Variants in AKAP9 observed in about 807,000 individuals in gnomAD.
The protein encoded by AKAP9 is A-kinase anchoring protein 9, also known as A-kinase anchor protein 9.
AKAP9 carries 311 observed loss-of-function variants against 488.5 expected under a neutral mutation model. The ratio of observed to expected loss-of-function variants is 0.64; its 90% CI spans 0.58 to 0.70. The LOEUF is 0.70. Ranked by LOEUF, AKAP9 falls within the 30% of genes least tolerant of loss-of-function variation. The pLI, the probability that AKAP9 is intolerant of heterozygous loss-of-function variation, is 0.00. For synonymous variants in AKAP9, 1,462 were observed against 1,483.5 expected, an observed-to-expected ratio of 0.99 and a Z score of 0.33; for missense variants, 4,215 against 4,374.5, an observed-to-expected ratio of 0.96 and a Z score of 1.03.
intron 8 of AKAP9, among the ~76,000 whole-genome samples, chr7:92,011,253 C>T (rs1800707550): frequency 6.6e-6 from 1 of 152,032 alleles, no homozygotes; most frequent in Admixed American, 6.6e-5. Flanking sequence ...CTAGCCAATG[C>T]AATTTGACAA....
chr7:92,022,305 CAG>C lies in AKAP9; in HGVS notation c.3908_3909del (p.Glu1303ValfsTer15). On this transcript the variant is annotated frameshift_variant, in exon 13 of 50. Coordinates refer to ENST00000356239, the MANE Select transcript of AKAP9 (RefSeq NM_005751.5). LOFTEE classifies it high-confidence loss of function. ...GAAGAAAACCTTCCAAAAGAGGAAA[CAG>C]AGTTTTTATCAATCCATTCTCAGAT... The C allele has an allele frequency of 1.2e-6, 2 of 1,613,596 alleles. No individual in the cohort carries two copies. Among genetic ancestry groups the C allele is most frequent in the African/African-American group, 1.3e-5 (1 of 75,038 alleles).
At chr7:92,094,457 C>T (rs1295841370) in intron 39 of AKAP9, among the ~76,000 whole-genome samples, 5 of 151,750 alleles carry the variant, frequency 3.3e-5, no homozygotes, top group Admixed American at 1.3e-4. Context: ...CACTTGAACC[C>T]GGGAGGCGGA....
intron 3 of AKAP9, among the ~76,000 whole-genome samples, chr7:91,980,898 G>C (rs1281760801): frequency 6.6e-6 from 1 of 151,834 alleles, no homozygotes; most frequent in African/African-American, 2.4e-5. Flanking sequence ...CTTTACTCCA[G>C]AATTTGAGGA....
At chr7:92,042,274 T>C in intron 19 of AKAP9, 88 bp downstream of exon 19, 1 of 1,546,752 alleles carries the variant, frequency 6.5e-7, no homozygotes, top group South Asian at 1.1e-5. Context: ...AGATGTATTC[T>C]TTTATAGGTA....
In AKAP9 at chr7:91,973,879, G is replaced by A. The variant is rs887210886; in HGVS notation, c.217G>A (p.Val73Ile). 3 of 1,613,998 alleles carry A rather than the reference G, an allele frequency of 1.9e-6. No individual in the cohort carries two copies. Among genetic ancestry groups the A allele is most frequent in the Non-Finnish European group, 2.5e-6 (3 of 1,179,950 alleles). The change falls in exon 2 of 50, where the codon GTA becomes ATA. Residue 73 changes from valine (V) to isoleucine (I), a missense_variant. Physicochemically the swap from Val to Ile is conservative, Grantham distance 29 (BLOSUM62 3). This residue lies in a region of AKAP9 where 2,361 missense variants were observed against 2,430.0 expected (regional missense o/e 0.97). Coordinates refer to ENST00000356239, the MANE Select transcript of AKAP9 (RefSeq NM_005751.5). ...NEMYINSSQR[V>I]ESTVIPESTI... ...AATGTACATAAATAGTTCTCAGAGAGTAGAATCAACTGTGATTCCTGAATC... is the reference window on the plus strand; with the variant it reads ...AATGTACATAAATAGTTCTCAGAGAATAGAATCAACTGTGATTCCTGAATC...
At chr7:91,984,138 A>G (rs1030986986) in intron 3 of AKAP9, among the ~76,000 whole-genome samples, 1 of 152,118 alleles carries the variant, frequency 6.6e-6, no homozygotes. Flanking sequence ...TAGTTTAATT[A>G]CATCCCATTT....
At chr7:91,988,973 T>C (rs1797445925) in intron 3 of AKAP9, among the ~76,000 whole-genome samples, 1 of 152,192 alleles carries the variant, frequency 6.6e-6, no homozygotes, top group Admixed American at 6.6e-5. Context: ...CTACCTGATA[T>C]ATTTGCATAC....
chr7:92,049,054 C>G (rs543355260), intron 21 of AKAP9, among the ~76,000 whole-genome samples: 2 of 152,298 alleles, frequency 1.3e-5, no homozygotes, highest in African/African-American at 4.8e-5. Flanking sequence ...AAGGCTTTAT[C>G]ACATTGCCTA....
At chr7:91,947,199 G>T (rs949336031) in intron 1 of AKAP9, among the ~76,000 whole-genome samples, 1 of 150,828 alleles carries the variant, frequency 6.6e-6, no homozygotes, top group African/African-American at 2.4e-5. Context: ...TGTGTGTGCT[G>T]GAGAGAGGGA....
At chr7:92,076,172 C>G (rs905218199) in intron 28 of AKAP9, among the ~76,000 whole-genome samples, 1 of 152,154 alleles carries the variant, frequency 6.6e-6, no homozygotes, top group Admixed American at 6.5e-5. Flanking sequence ...ATTCATCATT[C>G]GTTTCAGTCT....
At chr7:91,979,922 G>C (rs960429214) in intron 2 of AKAP9, among the ~76,000 whole-genome samples, 1 of 152,120 alleles carries the variant, frequency 6.6e-6, no homozygotes, top group African/African-American at 2.4e-5. Context: ...AGTTAACCAT[G>C]GGTAACTGAA....
chr7:92,086,806 G>A (rs1419577786), intron 37 of AKAP9, among the ~76,000 whole-genome samples: 2 of 152,056 alleles, frequency 1.3e-5, no homozygotes, highest in African/African-American at 4.8e-5. Flanking sequence ...ACATAACCTT[G>A]TCTATATGTG....
chr7:92,018,893 A>T (rs916584085), intron 12 of AKAP9, among the ~76,000 whole-genome samples: 1 of 152,200 alleles, frequency 6.6e-6, no homozygotes, highest in Non-Finnish European at 1.5e-5. Context: ...GGTATATCTC[A>T]ATCAGCATAT....
rs892937022 is a variant in AKAP9, at chr7:91,951,768, A to G, written c.48+10621A>G. Among the ~76,000 whole-genome samples, 3 of 152,194 alleles carry G rather than the reference A, an allele frequency of 2.0e-5. 1 individual carries two copies. The highest frequency in any genetic ancestry group is 1.9e-4 in the East Asian group (1 of 5,194). On this transcript the variant is annotated intron_variant, in intron 1 of 49. Transcript: ENST00000356239. ...TTATTTTCCTTTATTCTATATACTC[A>G]TAACCACATCCTACTTTTTAAATTA...
In AKAP9 at chr7:92,038,654, G is replaced by A; in HGVS notation, c.4574G>A (p.Gly1525Glu). The A allele has an allele frequency of 6.2e-7, 1 of 1,610,984 alleles. No homozygotes were observed. The highest frequency in any genetic ancestry group is 1.7e-5 in the Admixed American group (1 of 59,592). Residue 1525 changes from glycine to glutamate, a missense_variant, in exon 17 of 50, where the codon GGA (glycine) becomes GAA (glutamate). Around this residue, in one of 5 missense-constraint regions of AKAP9, gnomAD observed 2,361 missense variants for 2,430.0 expected, o/e 0.97. Coordinates refer to ENST00000356239, the MANE Select transcript of AKAP9 (RefSeq NM_005751.5). ...KPLSKELGEHGKEILLSNSDP... is the reference protein window; with the variant it reads ...KPLSKELGEHEKEILLSNSDP... Reference sequence around the variant, plus strand: ...CTTAGTAAAGAGTTAGGAGAACATGGAAAGGAAATTTTATTATCAAATAGT... The same window carrying A: ...CTTAGTAAAGAGTTAGGAGAACATGAAAAGGAAATTTTATTATCAAATAGT...
At chr7:92,071,032 A>G in intron 28 of AKAP9, 23 bp downstream of exon 28, 1 of 1,528,042 alleles carries the variant, frequency 6.5e-7, no homozygotes, top group Non-Finnish European at 9.1e-7. Flanking sequence ...TTTTTAAATG[A>G]CACAGCGTGG....
intron 16 of AKAP9, among the ~76,000 whole-genome samples, chr7:92,034,498 ATTTT>A (rs59961119): frequency 0.015 from 1,453 of 95,340 alleles, 20 homozygotes; most frequent in African/African-American, 0.055. Context: ...ATATATATAT[ATTTT>A]TTTTTTTTTT....
chr7:92,098,239 T>C, intron 43 of AKAP9, 25 bp downstream of exon 43: 4 of 1,413,136 alleles, frequency 2.8e-6, no homozygotes, highest in Non-Finnish European at 4.0e-6. Context: ...AAGTTATTTC[T>C]GAAGCATTGA....
At chr7:92,039,835 C>T (rs1805771746) in intron 17 of AKAP9, among the ~76,000 whole-genome samples, 1 of 151,978 alleles carries the variant, frequency 6.6e-6, no homozygotes, top group Non-Finnish European at 1.5e-5. Flanking sequence ...ATTAGCTGGG[C>T]ATGGCAGTAC....
Sources: gnomAD v4.1 joint callset for allele counts (sites outside exome capture counted in the v4.1 genomes callset) on GRCh38, gnomAD v4.1.1 for gene constraint, gnomAD v4.1.1 regional missense constraint, MANE v1.5 for transcripts, NCBI Gene and HGNC (gene_info 2026-07-23, HGNC 2026-07-21) for gene names.